EYS: variants seen among roughly 807,000 people sequenced by gnomAD.
The protein encoded by EYS is EGF-like photoreceptor maintenance factor.
Under a neutral mutation model 282.1 loss-of-function variants are expected in EYS, and 250 were observed. That is an observed-to-expected ratio of 0.89 (90% CI 0.80 to 0.98). The LOEUF is 0.98. Ranked by LOEUF, EYS falls within the 50% of genes least tolerant of loss-of-function variation. EYS has a pLI of 0.00. For missense variants in EYS, 4,016 were observed against 3,709.0 expected (o/e 1.08, Z -2.15); for synonymous variants, 1,355 against 1,282.9 (o/e 1.06, Z -1.20).
intron 12 of EYS, among the ~76,000 whole-genome samples, chr6:65,235,940 A>C (rs1402907334): frequency 3.3e-5 from 5 of 151,984 alleles, no homozygotes; most frequent in African/African-American, 7.2e-5. Context: ...ATGTACAAAA[A>C]TTTTGGCATA....
intron 22 of EYS, among the ~76,000 whole-genome samples, chr6:64,748,235 C>T (rs1266451289): frequency 6.6e-6 from 1 of 152,324 alleles, no homozygotes; most frequent in Admixed American, 6.5e-5. Context: ...AATAAACACA[C>T]ATCAACACAT....
intron 33 of EYS, among the ~76,000 whole-genome samples, chr6:64,017,605 C>T (rs1290456078): frequency 2.0e-5 from 3 of 152,322 alleles, no homozygotes; most frequent in East Asian, 1.9e-4. Flanking sequence ...AGCCAGTGTA[C>T]TTGGGTGATG....
At chr6:65,705,355 C>A (rs1043525789) in intron 1 of EYS, among the ~76,000 whole-genome samples, 3 of 152,124 alleles carry the variant, frequency 2.0e-5, no homozygotes, top group African/African-American at 7.2e-5. Context: ...TTGTTGGCCA[C>A]CCTTCCCCAG....
intron 22 of EYS, among the ~76,000 whole-genome samples, chr6:64,776,172 A>G (rs146935793): frequency 3.4e-4 from 52 of 152,228 alleles, no homozygotes; most frequent in African/African-American, 1.1e-3. Flanking sequence ...GATATTGCCA[A>G]TTGACATACT....
intron 36 of EYS, among the ~76,000 whole-genome samples, chr6:63,847,283 T>C (rs1354520968): frequency 6.6e-6 from 1 of 152,200 alleles, no homozygotes; most frequent in Non-Finnish European, 1.5e-5. Flanking sequence ...AACATGTAGA[T>C]TTTGGATACA....
At chr6:65,633,695 TCAA>T (rs1766996651) in intron 2 of EYS, among the ~76,000 whole-genome samples, 1 of 152,192 alleles carries the variant, frequency 6.6e-6, no homozygotes, top group Admixed American at 6.5e-5. Context: ...ATACCTACCC[TCAA>T]AGCCACAAAC....
At chr6:65,166,721 T>G (rs1764981775) in intron 12 of EYS, among the ~76,000 whole-genome samples, 1 of 151,114 alleles carries the variant, frequency 6.6e-6, no homozygotes, top group Non-Finnish European at 1.5e-5. Context: ...TATTTTATGT[T>G]TCAAAGGACA....
At chr6:63,878,975 C>T (rs941360229) in intron 35 of EYS, among the ~76,000 whole-genome samples, 18 of 152,202 alleles carry the variant, frequency 1.2e-4, no homozygotes, top group Admixed American at 6.5e-5. Context: ...CAGTGTGCAA[C>T]AAGCCCTGGT....
chr6:64,366,310 C>T (rs975480953), intron 29 of EYS, among the ~76,000 whole-genome samples: 3 of 151,792 alleles, frequency 2.0e-5, no homozygotes, highest in African/African-American at 7.3e-5. Flanking sequence ...AGGGAGCTAC[C>T]ATGTAAGAAG....
At chr6:65,112,907 C>T (rs1175753950) in intron 12 of EYS, among the ~76,000 whole-genome samples, 1 of 152,038 alleles carries the variant, frequency 6.6e-6, no homozygotes, top group African/African-American at 2.4e-5. Context: ...TATTTGCTTC[C>T]ACTCTTATGG....
chr6:64,535,574 C>G (rs1034198963), intron 26 of EYS, among the ~76,000 whole-genome samples: 4 of 54,852 alleles, frequency 7.3e-5, no homozygotes, highest in Admixed American at 3.7e-4. Context: ...TTTGTTTCTA[C>G]CAAAAAAAAA....
At chr6:64,831,793 A>G (rs1583203710) in intron 19 of EYS, among the ~76,000 whole-genome samples, 1 of 152,118 alleles carries the variant, frequency 6.6e-6, no homozygotes, top group East Asian at 1.9e-4. Context: ...ATTGTAAAAA[A>G]TTTTAAAGAA....
At chr6:63,764,507 T>A (rs1280456186) in intron 40 of EYS, among the ~76,000 whole-genome samples, 1 of 152,052 alleles carries the variant, frequency 6.6e-6, no homozygotes, top group Non-Finnish European at 1.5e-5. Flanking sequence ...CTGTCATTAC[T>A]TTTTAAAGTG....
chr6:65,514,392 C>T (rs1767034311), intron 2 of EYS, among the ~76,000 whole-genome samples: 1 of 152,272 alleles, frequency 6.6e-6, no homozygotes, highest in African/African-American at 2.4e-5. Flanking sequence ...TCAATGCCAT[C>T]CCCATCAATC....
intron 26 of EYS, among the ~76,000 whole-genome samples, chr6:64,583,199 T>C (rs1337212518): frequency 6.6e-6 from 1 of 152,114 alleles, no homozygotes; most frequent in Admixed American, 6.6e-5. Context: ...TCTTTGGTGT[T>C]TAATAGTTTT....
intron 8 of EYS, among the ~76,000 whole-genome samples, chr6:65,364,537 T>TA (rs5876960): frequency 3.1e-4 from 47 of 150,970 alleles, no homozygotes; most frequent in African/African-American, 9.2e-4. Flanking sequence ...TGGACTATAT[T>TA]AAAAATATTA....
rs1765654242 is a variant in EYS at position 65,382,474 on chromosome 6, T to TGTGTGC, written c.1299+1911_1299+1912insGCACAC. Among the ~76,000 whole-genome samples the TGTGTGC allele has an allele frequency of 5.3e-5, 8 of 150,900 alleles. No homozygotes were observed. In the South Asian group the frequency reaches 1.7e-3, roughly 32 times the overall value. On this transcript the variant is annotated intron_variant, in intron 8 of 42. Coordinates refer to ENST00000503581, the MANE Select transcript of EYS (RefSeq NM_001142800.2). ...CCTTTCCTCTGTGTGTGTGTGTGTG[T>TGTGTGC]GTGTGTGTGTGTGTGTGTGTGTGTG... is the stretch of plus-strand genomic sequence containing the variant.
chr6:64,880,254 G>A (rs1766871966), intron 19 of EYS, among the ~76,000 whole-genome samples: 1 of 151,856 alleles, frequency 6.6e-6, no homozygotes. Flanking sequence ...AAGACTGCAA[G>A]ACTGCTAACT....
At chr6:64,364,294 T>C (rs1772120307) in intron 29 of EYS, among the ~76,000 whole-genome samples, 3 of 151,964 alleles carry the variant, frequency 2.0e-5, no homozygotes, top group South Asian at 4.1e-4. Context: ...TCAGTCATTT[T>C]ACTCTTAGTT....
Sources: allele counts gnomAD v4.1 joint callset (sites outside exome capture counted in the v4.1 genomes callset), GRCh38; gene constraint gnomAD v4.1.1; transcripts MANE v1.5; gene names NCBI Gene and HGNC (gene_info 2026-07-23, HGNC 2026-07-21).